The following EEF1AKMT2 variants were observed in gnomAD, a reference collection of about 807,000 sequenced individuals.
EEF1AKMT2 encodes eukaryotic translation elongation factor 1 alpha lysine methyltransferase 2.
A neutral mutation model predicts 35.8 loss-of-function variants in EEF1AKMT2; 32 were observed. The observed-to-expected ratio is 0.89, with a 90% CI of 0.67 to 1.20. EEF1AKMT2 has a LOEUF of 1.20. Ranked by LOEUF, EEF1AKMT2 falls within the 50% of genes most tolerant of loss-of-function variation. The probability of loss-of-function intolerance (pLI) is 0.00; values close to 1 mark genes in which losing one functional copy is unlikely to be tolerated. For missense variants in EEF1AKMT2, 330 were observed against 347.5 expected (o/e 0.95, Z 0.40); for synonymous variants, 121 against 133.7 (o/e 0.91, Z 0.65).
chr10:124,781,405 C>T (rs961025279), intron 3 of EEF1AKMT2, among the ~76,000 whole-genome samples: 4 of 151,096 alleles, frequency 2.6e-5, no homozygotes, highest in Admixed American at 1.3e-4. Flanking sequence ...ATGGTGAAAC[C>T]CCATCTCTAC....
At position 124,765,300 on chromosome 10, in the gene EEF1AKMT2, G is replaced by C. The variant is rs1950368958; in HGVS notation, c.616+92C>G. 3 of 1,081,738 alleles carry C rather than the reference G, an allele frequency of 2.8e-6. No individual in the cohort carries two copies. The South Asian group carries it at 4.3e-5, about 15-fold the overall frequency. 67.0% of individuals were successfully genotyped at this position (1,081,738 alleles called of 1,614,324 possible). A position where few individuals can be genotyped will look rare whatever the true frequency, so the allele number is the denominator to read the frequency against. ...GCAGGCAATTCCCACAAATAGAAAA[G>C]TAAAACACTATAACACAAAACGGGG... On this transcript the variant is annotated intron_variant, in intron 5 of 6. Transcript: ENST00000368836.
intron 5 of EEF1AKMT2, among the ~76,000 whole-genome samples, chr10:124,763,324 AT>A (rs1266936847): frequency 6.6e-6 from 1 of 152,236 alleles, no homozygotes; most frequent in Non-Finnish European, 1.5e-5. Context: ...CATGGAAAAA[AT>A]GCAAGATCTG....
intron 4 of EEF1AKMT2, among the ~76,000 whole-genome samples, chr10:124,766,872 C>T (rs1950382314): frequency 6.6e-6 from 1 of 152,106 alleles, no homozygotes; most frequent in African/African-American, 2.4e-5. Flanking sequence ...TAACAGTAAA[C>T]AAAACAGAGC....
intron 4 of EEF1AKMT2, among the ~76,000 whole-genome samples, chr10:124,770,156 C>T (rs1950417995): frequency 1.3e-5 from 2 of 151,990 alleles, no homozygotes; most frequent in Admixed American, 6.6e-5. Context: ...TGGTAGCTCA[C>T]ACCTGTTATC....
At chr10:124,771,321 G>GTC (rs1950433236) in intron 4 of EEF1AKMT2, among the ~76,000 whole-genome samples, 3 of 151,552 alleles carry the variant, frequency 2.0e-5, no homozygotes, top group Admixed American at 2.0e-4. Flanking sequence ...GGATGGTCTT[G>GTC]ATCTCCTGAC....
At chr10:124,768,839 G>T (rs1002345684) in intron 4 of EEF1AKMT2, among the ~76,000 whole-genome samples, 3 of 152,000 alleles carry the variant, frequency 2.0e-5, no homozygotes, top group Admixed American at 1.3e-4. Flanking sequence ...CAAAATCAAA[G>T]GCTACTGTAG....
intron 2 of EEF1AKMT2, among the ~76,000 whole-genome samples, chr10:124,789,397 T>C (rs963695756): frequency 6.6e-6 from 1 of 152,196 alleles, no homozygotes; most frequent in Non-Finnish European, 1.5e-5. Context: ...CAGTTGTATG[T>C]GTTGGTGTCT....
At chr10:124,790,925 C>G (rs969965080) in intron 1 of EEF1AKMT2, among the ~76,000 whole-genome samples, 1 of 152,124 alleles carries the variant, frequency 6.6e-6, no homozygotes, top group Non-Finnish European at 1.5e-5. Context: ...CCACCACACC[C>G]CGCTAATTTT....
At chr10:124,771,179 A>C (rs1181968313) in intron 4 of EEF1AKMT2, among the ~76,000 whole-genome samples, 1 of 151,618 alleles carries the variant, frequency 6.6e-6, no homozygotes, top group Admixed American at 6.6e-5. Context: ...AGCTCACTGC[A>C]AGCTCCGCCT....
At chr10:124,779,282 C>A (rs187576234) in intron 3 of EEF1AKMT2, among the ~76,000 whole-genome samples, 13 of 152,160 alleles carry the variant, frequency 8.5e-5, no homozygotes, top group African/African-American at 3.1e-4. Context: ...CAAGGACACA[C>A]CACGACACCT....
chr10:124,789,637 C>A lies in EEF1AKMT2; in HGVS notation c.177-480G>T, dbSNP rs780514171. ...GGGCATGATGGCATGCAGCTATAGT[C>A]CCAGCTACCCAGGAGGCTGTGGCGG... On this transcript the variant is annotated intron_variant, in intron 2 of 6. Transcript: ENST00000368836. Among the ~76,000 whole-genome samples the A allele has an allele frequency of 3.3e-5, 5 of 151,930 alleles. No individual in the cohort carries two copies. In the South Asian group the frequency reaches 1.0e-3, roughly 32 times the overall value.
At position 124,791,730 on chromosome 10, in the gene EEF1AKMT2, C is replaced by T. The variant is rs1393706945; in HGVS notation, c.104G>A (p.Arg35His). 3.8e-6 allele frequency: 6 copies of T among 1,584,596 alleles called. No homozygotes were observed. The highest frequency in any genetic ancestry group is 5.1e-6 in the Non-Finnish European group (6 of 1,169,942). The change falls in exon 1 of 7, where the codon CGC (arginine) becomes CAC (histidine). Residue 35 changes from arginine (R) to histidine (H), a missense_variant. By Grantham distance (29) the Arg-to-His change is conservative. Coordinates refer to ENST00000368836, the MANE Select transcript of EEF1AKMT2 (RefSeq NM_212554.4). ...TGCCCAGCGTCACACTCACTGCTCG[C>T]GGGTCCCCAGCGCCGACGGGACGAA... Reference protein sequence around the residue: ...DGFVPSALGTREHWDAVYERE... With the variant: ...DGFVPSALGTHEHWDAVYERE...
chr10:124,768,174 G>A (rs1029405269), intron 4 of EEF1AKMT2, among the ~76,000 whole-genome samples: 11 of 152,166 alleles, frequency 7.2e-5, no homozygotes, highest in Non-Finnish European at 1.0e-4. Flanking sequence ...CAATGTGACC[G>A]AGTATTGATG....
chr10:124,788,939 C>T, intron 3 of EEF1AKMT2, 104 bp downstream of exon 3: 2 of 745,000 alleles, frequency 2.7e-6, no homozygotes, highest in South Asian at 1.8e-5. Flanking sequence ...AGTATGACTG[C>T]TTTACTATTT....
chr10:124,789,650 G>A (rs1456482811), intron 2 of EEF1AKMT2, among the ~76,000 whole-genome samples: 2 of 151,780 alleles, frequency 1.3e-5, no homozygotes, highest in Non-Finnish European at 2.9e-5. Flanking sequence ...AGCTACCCAG[G>A]AGGCTGTGGC....
intron 3 of EEF1AKMT2, among the ~76,000 whole-genome samples, chr10:124,775,834 T>C (rs1373516926): frequency 6.6e-6 from 1 of 152,134 alleles, no homozygotes; most frequent in African/African-American, 2.4e-5. Flanking sequence ...CCTTATTCCT[T>C]GAGATTTTCT....
At chr10:124,777,300 A>T (rs896384688) in intron 3 of EEF1AKMT2, among the ~76,000 whole-genome samples, 2 of 152,052 alleles carry the variant, frequency 1.3e-5, no homozygotes, top group Non-Finnish European at 2.9e-5. Context: ...AAAAAAAGAA[A>T]AAAAGACAGA....
chr10:124,772,337 T>C (rs930933220), intron 4 of EEF1AKMT2, among the ~76,000 whole-genome samples: 3 of 152,134 alleles, frequency 2.0e-5, no homozygotes, highest in African/African-American at 7.2e-5. Flanking sequence ...CCTAGCTAAC[T>C]TGCTACACCT....
At chr10:124,782,210 G>A (rs546530672) in intron 3 of EEF1AKMT2, among the ~76,000 whole-genome samples, 1 of 152,162 alleles carries the variant, frequency 6.6e-6, no homozygotes, top group Non-Finnish European at 1.5e-5. Context: ...AAAAAACAGA[G>A]GTAAGGCCAG....
Sources: gnomAD v4.1 joint callset for allele counts (sites outside exome capture counted in the v4.1 genomes callset) on GRCh38, gnomAD v4.1.1 for gene constraint, MANE v1.5 for transcripts, NCBI Gene and HGNC (gene_info 2026-07-23, HGNC 2026-07-21) for gene names.